Variants in ARHGAP27 observed in about 807,000 individuals in gnomAD.
ARHGAP27 encodes the protein rho GTPase-activating protein 27.
A neutral mutation model predicts 102.0 loss-of-function variants in ARHGAP27; 53 were observed. That is an observed-to-expected ratio of 0.52 (90% confidence interval 0.42 to 0.65). The LOEUF (loss-of-function observed/expected upper bound fraction) is 0.65, where lower values mean the gene tolerates loss of function less well. ARHGAP27 is among the 30% of genes least tolerant of loss of function. The probability of loss-of-function intolerance (pLI) is 0.00; values close to 1 mark genes in which losing one functional copy is unlikely to be tolerated. For missense variants in ARHGAP27, 1,117 were observed against 1,256.2 expected (o/e 0.89, Z 1.68); for synonymous variants, 525 against 542.8 (o/e 0.97, Z 0.46).
intron 4 of ARHGAP27, chr17:45,429,296 G>GCC: frequency 1.2e-6 from 1 of 852,142 alleles, no homozygotes; most frequent in Non-Finnish European, 1.6e-6. Flanking sequence ...CATTTCTGCA[G>GCC]CGAAACATGA....
In ARHGAP27 at chr17:45,405,011, G is replaced by A. The variant is rs147031282; in HGVS notation, c.1161C>T (p.Thr387=). Residue 387 remains threonine, a synonymous_variant, in exon 6 of 20, where the codon ACC becomes ACT. Coordinates refer to ENST00000685559, the MANE Select transcript of ARHGAP27 (RefSeq NM_001282290.2). ...AGCCGGGGGGTGTGGTCAAGGGAGA[G>A]GTAGGGCCGGGCTCACCGAAAGAGC... ...PVGSFGEPGP[T]SPLTTPPGWS... 1.5e-5 allele frequency: 25 copies of A among 1,613,942 alleles called. No homozygotes were observed. The Admixed American group carries it at 2.3e-4, about 15-fold the overall frequency.
chr17:45,429,464 G>A (rs2049884478), intron 4 of ARHGAP27, 159 bp downstream of exon 4: 1 of 1,472,694 alleles, frequency 6.8e-7, no homozygotes, highest in Non-Finnish European at 8.9e-7. Context: ...CACCCCTCAC[G>A]TTTCGCGGTT....
chr17:45,424,018 C>T (rs1399330145), intron 4 of ARHGAP27, among the ~76,000 whole-genome samples: 1 of 152,234 alleles, frequency 6.6e-6, no homozygotes, highest in Admixed American at 6.5e-5. Flanking sequence ...GATGATTCTG[C>T]AGGCAGGCCC....
chr17:45,396,997 C>CCTCTGGGGGCA lies in ARHGAP27; in HGVS notation c.1869_1870insTGCCCCCAGAG (p.Glu624CysfsTer45). 1 of 1,604,590 alleles carries CCTCTGGGGGCA rather than the reference C, an allele frequency of 6.2e-7. No homozygotes were observed. Among genetic ancestry groups the CCTCTGGGGGCA allele is most frequent in the Admixed American group, 1.7e-5 (1 of 60,026 alleles). Reference sequence around the variant, plus strand: ...GACCCGAAGTCCACTCTGCTGCTCTCGCTCTCCTCTGGGGGCAGCTCTGCG... The same window carrying CCTCTGGGGGCA: ...GACCCGAAGTCCACTCTGCTGCTCTCCTCTGGGGGCAGCTCTCCTCTGGGGGCAGCTCTGCG... On this transcript the variant is annotated frameshift_variant, in exon 14 of 20. Coordinates refer to ENST00000685559, the MANE Select transcript of ARHGAP27 (RefSeq NM_001282290.2). LOFTEE classifies it high-confidence loss of function.
intron 13 of ARHGAP27, 89 bp from the exon 14 acceptor site, chr17:45,397,113 A>G: frequency 6.4e-7 from 1 of 1,555,210 alleles, no homozygotes; most frequent in Non-Finnish European, 8.6e-7. Flanking sequence ...TGCACTCCCA[A>G]CAGGCATGGC....
intron 4 of ARHGAP27, among the ~76,000 whole-genome samples, chr17:45,424,469 G>GATC (rs766280806): frequency 5.3e-5 from 8 of 152,150 alleles, no homozygotes; most frequent in Non-Finnish European, 1.0e-4. Flanking sequence ...CCCTGGTCAC[G>GATC]ATCATGGACT....
At chr17:45,431,235 C>G (rs1335548915) in intron 3 of ARHGAP27, among the ~76,000 whole-genome samples, 2 of 152,234 alleles carry the variant, frequency 1.3e-5, no homozygotes, top group Non-Finnish European at 2.9e-5. Flanking sequence ...CCCGCCCGGG[C>G]TTCGGGGTGT....
rs1567706398 is a variant in ARHGAP27, at chr17:45,405,656, ACTCTGGCCCTGCCC to A, written c.1065+6_1065+19del. The A allele has an allele frequency of 6.4e-7, 1 of 1,563,646 alleles. No homozygotes were observed. Among genetic ancestry groups the A allele is most frequent in the Non-Finnish European group, 8.6e-7 (1 of 1,159,064 alleles). On this transcript the variant is annotated splice_donor_region_variant and intron_variant, in intron 5 of 19. Transcript: ENST00000685559. ...GAGGCGCTCAGAGGTAGAACCGCCC[ACTCTGGCCCTGCCC>A]CTCACCCGCGGGTCCCCTGGGCTGC...
intron 4 of ARHGAP27, chr17:45,409,964 A>G (rs2144674291): frequency 4.3e-6 from 2 of 464,230 alleles, no homozygotes; most frequent in South Asian, 6.5e-5. Flanking sequence ...CTCAGGCTCC[A>G]GGCTGCCCAG....
Position 45,394,520 on chromosome 17 carries a change from G to T in ARHGAP27, c.*936C>A, listed in dbSNP as rs1349396555. 6.6e-6 allele frequency: 1 copy of T among 152,300 alleles called. No homozygotes were observed. The highest frequency in any genetic ancestry group is 1.5e-5 in the Non-Finnish European group (1 of 68,090). The allele number at this position is 152,300 out of a possible 1,614,324, so 9.4% of individuals were successfully genotyped here. On this transcript the variant is annotated 3_prime_UTR_variant, in exon 20 of 20. Transcript: ENST00000685559. ...GGACAGTTTCCCTCTTTGCCTTCAGGGGCCTCCCCAGGTCCAGACAGAACA... is the reference window on the plus strand; with the variant it reads ...GGACAGTTTCCCTCTTTGCCTTCAGTGGCCTCCCCAGGTCCAGACAGAACA...
At chr17:45,419,518 A>ATATATATATATATATATG (rs2048825373) in intron 4 of ARHGAP27, among the ~76,000 whole-genome samples, 1 of 10,402 alleles carries the variant, frequency 9.6e-5, no homozygotes, top group African/African-American at 2.0e-4. Flanking sequence ...GTATGTATAT[A>ATATATATATATATATATG]TATATATATA....
chr17:45,405,530 G>A, intron 5 of ARHGAP27, 146 bp downstream of exon 5: 1 of 1,169,932 alleles, frequency 8.5e-7, no homozygotes, highest in Non-Finnish European at 1.2e-6. Context: ...GTCTGTGGGA[G>A]CAGGAGAAGG....
At chr17:45,414,898 A>G (rs1362849693) in intron 4 of ARHGAP27, among the ~76,000 whole-genome samples, 4 of 116,824 alleles carry the variant, frequency 3.4e-5, no homozygotes, top group African/African-American at 1.3e-4. Flanking sequence ...TCTACTAAAA[A>G]TACCAAAAAA....
chr17:45,414,648 T>C (rs1175050994), intron 4 of ARHGAP27, among the ~76,000 whole-genome samples: 1 of 147,112 alleles, frequency 6.8e-6, no homozygotes, highest in Non-Finnish European at 1.5e-5. Flanking sequence ...AGGGTCTGAC[T>C]ATGTTGTCCA....
chr17:45,410,573 C>T, intron 4 of ARHGAP27: 1 of 540,910 alleles, frequency 1.8e-6, no homozygotes, highest in Non-Finnish European at 2.9e-6. Flanking sequence ...ATCCGAGGCC[C>T]AGACATAGCC....
rs1346605906 is a variant in ARHGAP27 at position 45,405,096 on chromosome 17, G to A, written c.1076C>T (p.Pro359Leu). 1.9e-6 allele frequency: 3 copies of A among 1,582,134 alleles called. No individual in the cohort carries two copies. Among genetic ancestry groups the A allele is most frequent in the South Asian group, 2.3e-5 (2 of 85,480 alleles). Residue 359 changes from proline to leucine, a missense_variant, in exon 6 of 20, where the codon CCC becomes CTC. Around this residue, in one of 3 missense-constraint regions of ARHGAP27, gnomAD observed 610 missense variants for 716.4 expected, o/e 0.85. Coordinates refer to ENST00000685559, the MANE Select transcript of ARHGAP27 (RefSeq NM_001282290.2). ...GSPGDPRPPT[P>L]ETDYPESLTS... is the part of the protein sequence containing the mutation. ...CAGCGACTCGGGGTAGTCCGTCTCG[G>A]GAGTGGGGGGCTGCGGGGAACAGAA...
chr17:45,398,037 C>A lies in ARHGAP27; in HGVS notation c.1754G>T (p.Arg585Leu), dbSNP rs139052373. Residue 585 changes from arginine to leucine, a missense_variant, in exon 13 of 20, where the codon CGA becomes CTA. Arg to Leu is a moderately radical substitution (Grantham distance 102). Transcript: ENST00000685559. ...CTGGATCAGGTACTCAGAGCCATCTCGGCTCCGTAGCTGGAGGGACACAAG... is the reference window on the plus strand; with the variant it reads ...CTGGATCAGGTACTCAGAGCCATCTAGGCTCCGTAGCTGGAGGGACACAAG... ...SRKNVLELRS[R>L]DGSEYLIQHD... 6.2e-7 allele frequency: 1 copy of A among 1,602,986 alleles called. No individual in the cohort carries two copies. The highest frequency in any genetic ancestry group is 1.1e-5 in the South Asian group (1 of 90,356).
chr17:45,430,434 T>C lies in ARHGAP27; in HGVS notation c.-18-137A>G, dbSNP rs1361768998. ...CTTCGGGCCTCAGTTTTCCCATCTC[T>C]AAAATGGGAACTTGCATAAAATCAC... On this transcript the variant is annotated intron_variant, in intron 3 of 19. Coordinates refer to ENST00000685559, the MANE Select transcript of ARHGAP27 (RefSeq NM_001282290.2). This position sits in a 1 kb window ranked among gnomAD's most constrained non-coding sequence, Gnocchi z 4.4. 2 of 1,272,866 alleles carry C rather than the reference T, an allele frequency of 1.6e-6. No homozygotes were observed. The highest frequency in any genetic ancestry group is 5.4e-5 in the East Asian group (2 of 37,242). 78.8% of individuals were successfully genotyped at this position (1,272,866 alleles called of 1,614,324 possible). A position where few individuals can be genotyped will look rare whatever the true frequency, so the allele number is the denominator to read the frequency against.
rs367987670 is a variant in ARHGAP27, at chr17:45,397,976, C to G, written c.1815G>C (p.Lys605Asn). The G allele has an allele frequency of 2.6e-5, 42 of 1,610,474 alleles. No homozygotes were observed. Among genetic ancestry groups the G allele is most frequent in the Non-Finnish European group, 3.5e-5 (41 of 1,177,340 alleles). Reference protein sequence around the residue: ...DSEAIISTWHKAIAQGIQELS... With the variant: ...DSEAIISTWHNAIAQGIQELS... ...GCTCCTGGATGCCCTGAGCAATGGC[C>G]TTATGCCAGGTGCTGATGATGGCCT... The change falls in exon 13 of 20, where the codon AAG becomes AAC. Residue 605 changes from lysine (K) to asparagine (N), a missense_variant. This residue lies in a region of ARHGAP27 where 493 missense variants were observed against 505.5 expected (regional missense o/e 0.98). Transcript: ENST00000685559.
Sources: gnomAD v4.1 joint callset for allele counts (sites outside exome capture counted in the v4.1 genomes callset) on GRCh38, gnomAD v4.1.1 for gene constraint, gnomAD v4.1.1 regional missense constraint, Gnocchi (gnomAD v3.1) non-coding constraint, MANE v1.5 for transcripts, NCBI Gene and HGNC (gene_info 2026-07-23, HGNC 2026-07-21) for gene names.